The following GRID2 variants were observed in gnomAD, a reference collection of about 807,000 sequenced individuals.
GRID2 encodes the protein glutamate ionotropic receptor delta type subunit 2, also known as glutamate receptor ionotropic, delta-2.
A neutral mutation model predicts 114.8 loss-of-function variants in GRID2; 33 were observed. The observed-to-expected ratio is 0.29, with a 90% confidence interval of 0.22 to 0.38. GRID2 has a LOEUF of 0.38. Among genes scored for constraint, GRID2 ranks in the 10% least tolerant of loss-of-function variants. The pLI, the probability that GRID2 is intolerant of heterozygous loss-of-function variation, is 1.00. For missense variants in GRID2, 1,184 were observed against 1,257.7 expected (o/e 0.94, Z 0.89); for synonymous variants, 505 against 449.9 (o/e 1.12, Z -1.55).
At chr4:92,641,901 G>C (rs1731373722) in intron 2 of GRID2, among the ~76,000 whole-genome samples, 1 of 149,226 alleles carries the variant, frequency 6.7e-6, no homozygotes, top group Non-Finnish European at 1.5e-5. Context: ...TTCTGTTCCT[G>C]CATTAATTTG....
chr4:92,992,935 C>G (rs193211807), intron 2 of GRID2, among the ~76,000 whole-genome samples: 89 of 152,072 alleles, frequency 5.9e-4, no homozygotes, highest in African/African-American at 2.0e-3. Context: ...TGCTAGGTAC[C>G]TTCTAGCAGT....
intron 1 of GRID2, among the ~76,000 whole-genome samples, chr4:92,533,909 T>C (rs1199856978): frequency 6.6e-6 from 1 of 152,016 alleles, no homozygotes; most frequent in Non-Finnish European, 1.5e-5. Flanking sequence ...AGATTTAATC[T>C]ATAATTCTAT....
chr4:92,776,674 G>A (rs978619923), intron 2 of GRID2, among the ~76,000 whole-genome samples: 12 of 151,996 alleles, frequency 7.9e-5, no homozygotes, highest in Admixed American at 7.9e-4. Flanking sequence ...TTGAAATGTT[G>A]CCTCATTCCT....
At chr4:93,579,852 T>C (rs1016002694) in intron 13 of GRID2, among the ~76,000 whole-genome samples, 15 of 152,178 alleles carry the variant, frequency 9.9e-5, no homozygotes, top group Non-Finnish European at 2.2e-4. Flanking sequence ...GTTTTCTTTA[T>C]CCCTGTCACT....
At chr4:92,840,281 TCA>T (rs1486970009) in intron 2 of GRID2, among the ~76,000 whole-genome samples, 1 of 152,022 alleles carries the variant, frequency 6.6e-6, no homozygotes, top group Admixed American at 6.6e-5. Flanking sequence ...TCAACCAGTC[TCA>T]GTTTTTTTAA....
At chr4:92,474,904 G>A (rs1412692699) in intron 1 of GRID2, among the ~76,000 whole-genome samples, 3 of 125,930 alleles carry the variant, frequency 2.4e-5, no homozygotes, top group Admixed American at 2.0e-4. Context: ...TATATAATTT[G>A]CAATTTTTAA....
chr4:92,352,652 C>T (rs986833512), intron 1 of GRID2, among the ~76,000 whole-genome samples: 3 of 151,932 alleles, frequency 2.0e-5, no homozygotes, highest in Non-Finnish European at 4.4e-5. Flanking sequence ...TTTGCATTTC[C>T]CTAATAACTA....
At chr4:92,464,090 A>G (rs1043183073) in intron 1 of GRID2, among the ~76,000 whole-genome samples, 1 of 152,032 alleles carries the variant, frequency 6.6e-6, no homozygotes, top group African/African-American at 2.4e-5. Context: ...TCTAAATTGT[A>G]GAGCATGTAA....
At chr4:92,703,073 A>G (rs1276571200) in intron 2 of GRID2, among the ~76,000 whole-genome samples, 1 of 152,192 alleles carries the variant, frequency 6.6e-6, no homozygotes, top group Non-Finnish European at 1.5e-5. Context: ...AAAAATTACC[A>G]TATATGAATA....
chr4:92,684,786 T>TA (rs1411178998), intron 2 of GRID2, among the ~76,000 whole-genome samples: 1 of 152,110 alleles, frequency 6.6e-6, no homozygotes, highest in East Asian at 1.9e-4. Flanking sequence ...AAGGATAACA[T>TA]AATGTTTGTG....
At chr4:93,625,016 T>C (rs1742568407) in intron 13 of GRID2, among the ~76,000 whole-genome samples, 1 of 152,186 alleles carries the variant, frequency 6.6e-6, no homozygotes, top group Non-Finnish European at 1.5e-5. Flanking sequence ...CTGCAAGATA[T>C]CCATAGGCCA....
intron 13 of GRID2, among the ~76,000 whole-genome samples, chr4:93,539,349 A>T (rs1732419848): frequency 6.6e-6 from 1 of 152,070 alleles, no homozygotes; most frequent in Non-Finnish European, 1.5e-5. Context: ...TTTAGCAATT[A>T]TCTCATTTTG....
chr4:93,107,102 C>A (rs901920277), intron 3 of GRID2, among the ~76,000 whole-genome samples: 3 of 152,118 alleles, frequency 2.0e-5, no homozygotes, highest in Admixed American at 2.0e-4. Context: ...CAGTTCAAAT[C>A]AGCCTGGCCA....
At chr4:92,765,098 C>A (rs1738197248) in intron 2 of GRID2, among the ~76,000 whole-genome samples, 1 of 152,016 alleles carries the variant, frequency 6.6e-6, no homozygotes, top group African/African-American at 2.4e-5. Flanking sequence ...AGTTTTTATT[C>A]TATTGGGAAA....
intron 11 of GRID2, among the ~76,000 whole-genome samples, chr4:93,465,820 A>G (rs878948165): frequency 2.6e-5 from 4 of 152,260 alleles, no homozygotes; most frequent in East Asian, 1.9e-4. Flanking sequence ...AGTAAAAGCC[A>G]TATGCTAATA....
At chr4:93,291,887 C>T (rs1753796830) in intron 8 of GRID2, among the ~76,000 whole-genome samples, 1 of 150,430 alleles carries the variant, frequency 6.6e-6, no homozygotes, top group Non-Finnish European at 1.5e-5. Context: ...TTAGCATATG[C>T]ATTACCACAC....
At chr4:92,551,145 T>A (rs1261022991) in intron 1 of GRID2, among the ~76,000 whole-genome samples, 2 of 152,144 alleles carry the variant, frequency 1.3e-5, no homozygotes, top group Non-Finnish European at 2.9e-5. Flanking sequence ...TTTTATTTTA[T>A]AAATGATGAC....
intron 12 of GRID2, among the ~76,000 whole-genome samples, chr4:93,498,398 G>C (rs184333379): frequency 6.6e-6 from 1 of 151,774 alleles, no homozygotes. Context: ...TCTCCTAAAG[G>C]TCCCCCTCTT....
At chr4:92,980,222 G>T (rs867287988) in intron 2 of GRID2, among the ~76,000 whole-genome samples, 1 of 151,906 alleles carries the variant, frequency 6.6e-6, no homozygotes, top group African/African-American at 2.4e-5. Flanking sequence ...TTTAGATAGG[G>T]TTGGGAGAGT....
Sources: gnomAD v4.1 joint callset for allele counts (sites outside exome capture counted in the v4.1 genomes callset) on GRCh38, gnomAD v4.1.1 for gene constraint, MANE v1.5 for transcripts, NCBI Gene and HGNC (gene_info 2026-07-23, HGNC 2026-07-21) for gene names.